NTSR2: variants seen among roughly 807,000 people sequenced by gnomAD.
NTSR2 encodes neurotensin receptor 2.
A neutral mutation model predicts 24.1 loss-of-function variants in NTSR2; 22 were observed. The ratio of observed to expected loss-of-function variants is 0.91; its 90% CI spans 0.65 to 1.30. The LOEUF is 1.30. Ranked by LOEUF, NTSR2 falls within the 50% of genes most tolerant of loss-of-function variation. The pLI, the probability that NTSR2 is intolerant of heterozygous loss-of-function variation, is 0.00. For synonymous variants in NTSR2, 291 were observed against 267.0 expected (o/e 1.09, Z -0.88); for missense variants, 570 against 570.4 (o/e 1.00, Z 0.01).
intron 2 of NTSR2, among the ~76,000 whole-genome samples, chr2:11,661,356 T>G (rs1661067521): frequency 6.6e-6 from 1 of 152,206 alleles, no homozygotes; most frequent in Admixed American, 6.5e-5. Context: ...TCACATCACA[T>G]TGCACTTAGC....
intron 1 of NTSR2, among the ~76,000 whole-genome samples, chr2:11,663,403 G>A (rs1661124486): frequency 6.6e-6 from 1 of 152,028 alleles, no homozygotes; most frequent in South Asian, 2.1e-4. Flanking sequence ...GCTCCAGGGA[G>A]AACTGAAAAA....
At chr2:11,669,343 T>TC (rs1661271342) in intron 1 of NTSR2, among the ~76,000 whole-genome samples, 163 bp downstream of exon 1, 1 of 152,136 alleles carries the variant, frequency 6.6e-6, no homozygotes, top group Non-Finnish European at 1.5e-5. Context: ...TGGCCACGCC[T>TC]CCCTCCTTCT....
intron 1 of NTSR2, among the ~76,000 whole-genome samples, chr2:11,665,081 TTTC>T (rs1325960610): frequency 3.4e-4 from 46 of 134,272 alleles, no homozygotes; most frequent in African/African-American, 1.3e-3. Context: ...TTTTTTTTTT[TTTC>T]CAAGCTTGTC....
At chr2:11,667,961 A>C (rs1558699756) in intron 1 of NTSR2, among the ~76,000 whole-genome samples, 1 of 152,236 alleles carries the variant, frequency 6.6e-6, no homozygotes. Flanking sequence ...TGACAAGTTC[A>C]GTGGAGAGAA....
chr2:11,664,129 A>ATTTT (rs36027827), intron 1 of NTSR2, among the ~76,000 whole-genome samples: 71 of 143,352 alleles, frequency 5.0e-4, no homozygotes, highest in East Asian at 1.0e-3. Flanking sequence ...AACACTGAGC[A>ATTTT]TTTTTTTTTT....
intron 1 of NTSR2, among the ~76,000 whole-genome samples, 154 bp from the exon 2 acceptor site, chr2:11,662,394 A>C (rs1333426397): frequency 2.0e-5 from 3 of 152,240 alleles, no homozygotes; most frequent in Non-Finnish European, 4.4e-5. Flanking sequence ...GTGAGGAGAG[A>C]GAAAATAAAA....
Position 11,662,010 on chromosome 2 carries a change from G to A in NTSR2, c.855C>T (p.Asp285=), listed in dbSNP as rs148062399. Residue 285 remains aspartate, a synonymous_variant, in exon 2 of 4, where the codon GAC becomes GAT. Coordinates refer to ENST00000306928, the MANE Select transcript of NTSR2 (RefSeq NM_012344.4). ...GGQVSLVRHK[D]VRRIRSLQRS... is the part of the protein sequence containing the mutation. Reference sequence around the variant, plus strand: ...GCTGGAGGCTGCGGATCCGGCGCACGTCTTTATGTCTCACCAGGCTGACCT... The same window carrying A: ...GCTGGAGGCTGCGGATCCGGCGCACATCTTTATGTCTCACCAGGCTGACCT... 555 of 1,612,108 alleles carry A rather than the reference G, an allele frequency of 3.4e-4. 3 individuals are homozygous for A. The African/African-American group carries it at 6.7e-3, about 19-fold the overall frequency.
intron 1 of NTSR2, 29 bp downstream of exon 1, chr2:11,669,477 C>A: frequency 1.5e-6 from 1 of 682,190 alleles, no homozygotes; most frequent in Non-Finnish European, 2.0e-6. Flanking sequence ...CACCCCCCCT[C>A]CCCCGACTCC....
At chr2:11,665,244 C>G (rs1661171681) in intron 1 of NTSR2, 1 of 152,220 alleles carries the variant, frequency 6.6e-6, no homozygotes, top group Non-Finnish European at 1.5e-5. Flanking sequence ...CGGCAATGCG[C>G]TGGCTCTTCT....
chr2:11,659,953 T>G, intron 3 of NTSR2, 90 bp downstream of exon 3: 3 of 1,015,912 alleles, frequency 3.0e-6, no homozygotes. Context: ...GACCCAGCAA[T>G]GGAGGGTCCC....
intron 1 of NTSR2, 46 bp downstream of exon 1, chr2:11,669,460 G>GGGGGGGGGGGGGCGCCCCCCCCCCCC: frequency 3.9e-6 from 1 of 254,726 alleles, no homozygotes; most frequent in Non-Finnish European, 6.9e-6. Flanking sequence ...TCCCAGCACC[G>GGGGGGGGGGGGGCGCCCCCCCCCCCC]CCCCCCCACC....
chr2:11,660,975 G>A (rs1049738185), intron 2 of NTSR2, among the ~76,000 whole-genome samples: 5 of 151,928 alleles, frequency 3.3e-5, no homozygotes, highest in Admixed American at 6.6e-5. Flanking sequence ...GACTCTTACC[G>A]CCTCTGTACT....
At chr2:11,668,298 G>T (rs1661247967) in intron 1 of NTSR2, among the ~76,000 whole-genome samples, 1 of 152,228 alleles carries the variant, frequency 6.6e-6, no homozygotes, top group South Asian at 2.1e-4. Flanking sequence ...ACGAACAAAG[G>T]TGGGATCTTC....
At chr2:11,669,460 G>GGGGGGGGGGGGGGGGGCCC in intron 1 of NTSR2, 46 bp downstream of exon 1, 10 of 254,718 alleles carry the variant, frequency 3.9e-5, no homozygotes, top group East Asian at 5.5e-5. Context: ...TCCCAGCACC[G>GGGGGGGGGGGGGGGGGCCC]CCCCCCCACC....
intron 1 of NTSR2, among the ~76,000 whole-genome samples, chr2:11,666,299 C>A (rs1661197880): frequency 6.6e-6 from 1 of 152,198 alleles, no homozygotes; most frequent in Non-Finnish European, 1.5e-5. Flanking sequence ...AACTCTCACA[C>A]CCCTTTGCTT....
In NTSR2 at chr2:11,669,573, TC is replaced by T; in HGVS notation, c.556del (p.Glu186SerfsTer13). On this transcript the variant is annotated frameshift_variant, in exon 1 of 4. Coordinates refer to ENST00000306928, the MANE Select transcript of NTSR2 (RefSeq NM_012344.4). LOFTEE classifies it high-confidence loss of function. ...GCACACTCGCGAGGCGGGCTCCGGC[TC>T]CCCGTCCGCCGTCTCGAGTTCGTGC... ...QKHELETADG[E>X]PEPASRVCTV... The T allele has an allele frequency of 1.3e-6, 2 of 1,571,338 alleles. No homozygotes were observed. Among genetic ancestry groups the T allele is most frequent in the Admixed American group, 1.8e-5 (1 of 56,828 alleles).
At chr2:11,662,291 C>T in intron 1 of NTSR2, 51 bp from the exon 2 acceptor site, 1 of 1,437,244 alleles carries the variant, frequency 7.0e-7, no homozygotes. Context: ...CCCTGCGGCC[C>T]TCGCCATCTG....
intron 3 of NTSR2, among the ~76,000 whole-genome samples, chr2:11,659,072 T>G (rs1188566943): frequency 6.6e-6 from 1 of 152,180 alleles, no homozygotes; most frequent in Non-Finnish European, 1.5e-5. Flanking sequence ...AGACTGGTCT[T>G]GAACTGCTGA....
At chr2:11,663,870 A>G (rs1023749082) in intron 1 of NTSR2, among the ~76,000 whole-genome samples, 7 of 152,186 alleles carry the variant, frequency 4.6e-5, no homozygotes, top group Admixed American at 2.0e-4. Flanking sequence ...ACAAGAACAC[A>G]TGGTATTTGC....
Sources: allele counts gnomAD v4.1 joint callset (sites outside exome capture counted in the v4.1 genomes callset), GRCh38; gene constraint gnomAD v4.1.1; transcripts MANE v1.5; gene names NCBI Gene and HGNC (gene_info 2026-07-23, HGNC 2026-07-21).